IL1RAPL1: variants seen among roughly 807,000 people sequenced by gnomAD.
IL1RAPL1 encodes interleukin 1 receptor accessory protein like 1, also known as interleukin-1 receptor accessory protein-like 1.
In IL1RAPL1, 3 loss-of-function variants were observed where a neutral mutation model predicts 48.4. The observed-to-expected ratio is 0.06, with a 90% CI of 0.03 to 0.16. The LOEUF is 0.16. IL1RAPL1 is among the 10% of genes least tolerant of loss of function. The pLI is 1.00. For synonymous variants in IL1RAPL1, 185 were observed against 187.7 expected (o/e 0.99, Z 0.12); for missense variants, 349 against 530.6 (o/e 0.66, Z 3.36).
intron 2 of IL1RAPL1, among the ~76,000 whole-genome samples, chrX:29,195,562 T>C (rs1219352735): frequency 1.1e-4 from 11 of 99,657 alleles, no homozygotes; most frequent in Admixed American, 1.1e-3. Flanking sequence ...AATTACTTTT[T>C]TTTTTTTTTT....
rs750502472 is a variant in IL1RAPL1, at chrX:29,344,668, C to T, written c.363-51590C>T. ...TTTTTGTTTTTTTGAAACAGAGTCT[C>T]GCTCTGTCACCCAGGCTGAAGTGCA... On this transcript the variant is annotated intron_variant, in intron 3 of 10. Coordinates refer to ENST00000378993, the MANE Select transcript of IL1RAPL1 (RefSeq NM_014271.4). Among the ~76,000 whole-genome samples, 12 of 111,535 alleles carry T rather than the reference C, an allele frequency of 1.1e-4. 1 individual carries two copies. Among genetic ancestry groups the T allele is most frequent in the Non-Finnish European group, 1.1e-4 (6 of 53,116 alleles).
chrX:29,344,673 T>C (rs1461622112), intron 3 of IL1RAPL1, among the ~76,000 whole-genome samples: 2 of 111,993 alleles, frequency 1.8e-5, no homozygotes, highest in Non-Finnish European at 3.8e-5. Flanking sequence ...AGTCTCGCTC[T>C]GTCACCCAGG....
At chrX:29,540,037 A>G (rs2340366) in intron 5 of IL1RAPL1, among the ~76,000 whole-genome samples, 29 of 111,855 alleles carry the variant, frequency 2.6e-4, no homozygotes, top group Non-Finnish European at 4.1e-4. Context: ...AAAACCCTAA[A>G]GACTTTGCCA....
intron 2 of IL1RAPL1, among the ~76,000 whole-genome samples, chrX:29,205,925 G>C (rs957727209): frequency 9.3e-6 from 1 of 108,005 alleles, no homozygotes; most frequent in African/African-American, 3.4e-5. Flanking sequence ...ATTTTTAGTA[G>C]AGACAGAGTT....
chrX:29,141,069 ATAAAT>A (rs1344182686), intron 2 of IL1RAPL1, among the ~76,000 whole-genome samples: 1 of 111,197 alleles, frequency 9.0e-6, no homozygotes, highest in Non-Finnish European at 1.9e-5. Flanking sequence ...AATTTTTGAC[ATAAAT>A]TCAATTATTA....
At chrX:29,891,023 C>T (rs192076793) in intron 6 of IL1RAPL1, among the ~76,000 whole-genome samples, 10 of 111,833 alleles carry the variant, frequency 8.9e-5, no homozygotes, top group South Asian at 3.8e-4. Context: ...CACTAATACA[C>T]GGCAAGGCTT....
At chrX:29,524,376 T>C (rs570633603) in intron 5 of IL1RAPL1, among the ~76,000 whole-genome samples, 1 of 111,313 alleles carries the variant, frequency 9.0e-6, no homozygotes, top group East Asian at 2.8e-4. Flanking sequence ...CAGAGACATA[T>C]ACATTATGGA....
chrX:29,918,585 T>C (rs1244633787), intron 7 of IL1RAPL1, among the ~76,000 whole-genome samples: 1 of 110,506 alleles, frequency 9.0e-6, no homozygotes, highest in Non-Finnish European at 1.9e-5. Flanking sequence ...CTCTGTCATT[T>C]CCTGCTACGT....
intron 6 of IL1RAPL1, among the ~76,000 whole-genome samples, chrX:29,777,736 A>G (rs1185891407): frequency 9.0e-6 from 1 of 111,010 alleles, no homozygotes; most frequent in Non-Finnish European, 1.9e-5. Flanking sequence ...CAAATGAAGT[A>G]CATCCTAATG....
chrX:29,329,121 A>G (rs1353358755), intron 3 of IL1RAPL1, among the ~76,000 whole-genome samples: 1 of 111,292 alleles, frequency 9.0e-6, no homozygotes, highest in Non-Finnish European at 1.9e-5. Flanking sequence ...TTGTGAATAG[A>G]TAGTACATGC....
chrX:29,507,016 T>C (rs193113223), intron 5 of IL1RAPL1, among the ~76,000 whole-genome samples: 7 of 109,817 alleles, frequency 6.4e-5, no homozygotes, highest in African/African-American at 2.3e-4. Flanking sequence ...AAAGACTGAT[T>C]CTCTTATTCT....
At chrX:29,941,510 C>T in intron 8 of IL1RAPL1, 141 bp from the exon 9 acceptor site, 2 of 605,841 alleles carry the variant, frequency 3.3e-6, no homozygotes, top group Non-Finnish European at 2.8e-6. Context: ...GTCAAATTCT[C>T]ATGCAAAAAG....
chrX:28,887,744 C>G (rs1922674067), intron 2 of IL1RAPL1, among the ~76,000 whole-genome samples: 1 of 111,375 alleles, frequency 9.0e-6, no homozygotes, highest in African/African-American at 3.3e-5. Flanking sequence ...TTGTGAAATT[C>G]ATTTGATATG....
At chrX:29,775,023 G>A (rs1929160075) in intron 6 of IL1RAPL1, among the ~76,000 whole-genome samples, 1 of 111,899 alleles carries the variant, frequency 8.9e-6, no homozygotes, top group South Asian at 3.7e-4. Context: ...TGGGATTTTT[G>A]TTTCATGTCT....
At chrX:28,707,310 C>A (rs1022142861) in intron 1 of IL1RAPL1, among the ~76,000 whole-genome samples, 4 of 112,129 alleles carry the variant, frequency 3.6e-5, no homozygotes, top group Non-Finnish European at 3.8e-5. Flanking sequence ...ATAAATAGTT[C>A]AGTTTCTTTG....
chrX:28,613,079 G>A (rs1934171791), intron 1 of IL1RAPL1, among the ~76,000 whole-genome samples: 1 of 112,102 alleles, frequency 8.9e-6, no homozygotes, highest in Non-Finnish European at 1.9e-5. Context: ...GGAATTTGTT[G>A]TGTGCTTTAA....
In IL1RAPL1 at chrX:29,295,278, A is replaced by G. The variant is rs140125793; in HGVS notation, c.362+12061A>G. Among the ~76,000 whole-genome samples, 144 of 112,150 alleles carry G rather than the reference A, an allele frequency of 1.3e-3. 2 individuals are homozygous for G. The East Asian group carries it at 0.038, about 30-fold the overall frequency. On this transcript the variant is annotated intron_variant, in intron 3 of 10. Coordinates refer to ENST00000378993, the MANE Select transcript of IL1RAPL1 (RefSeq NM_014271.4). The stretch of plus-strand genomic sequence containing the variant: ...TAAACATTTTTACCAAAACAACTCA[A>G]GCTCTGAGAAATAAAATCGCCTACA...
chrX:28,931,528 C>T (rs969408589), intron 2 of IL1RAPL1, among the ~76,000 whole-genome samples: 5 of 111,394 alleles, frequency 4.5e-5, no homozygotes, highest in African/African-American at 1.6e-4. Flanking sequence ...ATTTCATTAG[C>T]TATCATTAAC....
chrX:28,955,671 TG>T (rs1264738400), intron 2 of IL1RAPL1, among the ~76,000 whole-genome samples: 9 of 108,241 alleles, frequency 8.3e-5, no homozygotes, highest in Admixed American at 7.0e-4. Context: ...CATGCTGTTT[TG>T]GTTACTGTAG....
Sources: allele counts gnomAD v4.1 joint callset (sites outside exome capture counted in the v4.1 genomes callset), GRCh38; gene constraint gnomAD v4.1.1; transcripts MANE v1.5; gene names NCBI Gene and HGNC (gene_info 2026-07-23, HGNC 2026-07-21).